Variants in ALPK2 observed in about 807,000 individuals in gnomAD.
ALPK2 encodes the protein alpha kinase 2, also known as alpha-protein kinase 2.
Under a neutral mutation model 163.1 loss-of-function variants are expected in ALPK2, and 127 were observed. That is an observed-to-expected ratio of 0.78 (90% confidence interval 0.67 to 0.90). ALPK2 has a LOEUF of 0.90. ALPK2 is among the 40% of genes least tolerant of loss of function. ALPK2 has a pLI of 0.00. For missense variants in ALPK2, 2,360 were observed against 2,589.6 expected (o/e 0.91, Z 1.92); for synonymous variants, 953 against 959.1 (o/e 0.99, Z 0.12).
At position 58,481,744 on chromosome 18, in the gene ALPK2, T is replaced by G; in HGVS notation, c.*79A>C. 1.7e-6 allele frequency: 2 copies of G among 1,198,764 alleles called. No individual in the cohort carries two copies. Among genetic ancestry groups the G allele is most frequent in the East Asian group, 2.3e-5 (1 of 42,890 alleles). The allele number at this position is 1,198,764 out of a possible 1,614,324, so 74.3% of individuals were successfully genotyped here. A position where few individuals can be genotyped will look rare whatever the true frequency, so the allele number is the denominator to read the frequency against. On this transcript the variant is annotated 3_prime_UTR_variant, in exon 13 of 13. Transcript: ENST00000361673. ...CCACGCACTCTCTGCAGGCTGTATA[T>G]TCTCTCCTGTGTGGCCTCAGATTTT...
chr18:58,604,269 C>T (rs1319692374), intron 3 of ALPK2, among the ~76,000 whole-genome samples: 1 of 152,118 alleles, frequency 6.6e-6, no homozygotes, highest in Non-Finnish European at 1.5e-5. Flanking sequence ...CAGGGGTTGA[C>T]GGTATATAGC....
Position 58,536,264 on chromosome 18 carries a change from G to C in ALPK2, c.3923C>G (p.Ala1308Gly). 2 of 1,614,188 alleles carry C rather than the reference G, an allele frequency of 1.2e-6. No homozygotes were observed. The highest frequency in any genetic ancestry group is 1.7e-6 in the Non-Finnish European group (2 of 1,180,030). Reference protein sequence around the residue: ...HSPEDAESALADSRESHKGEE... With the variant: ...HSPEDAESALGDSRESHKGEE... ...GCCTTTATGGCTTTCTCTGCTATCA[G>C]CAAGGGCTGACTCAGCATCCTCTGG... Residue 1308 changes from alanine to glycine, a missense_variant, in exon 5 of 13, where the codon GCT becomes GGT. Transcript: ENST00000361673.
chr18:58,509,937 T>C (rs2144118702), intron 10 of ALPK2, among the ~76,000 whole-genome samples: 1 of 152,290 alleles, frequency 6.6e-6, no homozygotes, highest in African/African-American at 2.4e-5. Flanking sequence ...GCTTTTGGTG[T>C]TTTAGACATG....
At chr18:58,542,104 A>T (rs921071487) in intron 4 of ALPK2, among the ~76,000 whole-genome samples, 2 of 152,316 alleles carry the variant, frequency 1.3e-5, no homozygotes, top group East Asian at 3.9e-4. Flanking sequence ...GGGCTCTAGG[A>T]GTAAGCCCAA....
chr18:58,573,292 G>GTATATATGTGTGTA (rs1177192538), intron 4 of ALPK2, among the ~76,000 whole-genome samples: 1 of 83,432 alleles, frequency 1.2e-5, no homozygotes, highest in Non-Finnish European at 2.5e-5. Flanking sequence ...GTGTATATAT[G>GTATATATGTGTGTA]TATATATGTG....
intron 10 of ALPK2, among the ~76,000 whole-genome samples, chr18:58,505,859 C>T (rs2051459337): frequency 6.6e-6 from 1 of 151,934 alleles, no homozygotes; most frequent in African/African-American, 2.4e-5. Flanking sequence ...CAGCTCTGGG[C>T]ACAGTGGATC....
In ALPK2 at chr18:58,590,616, C is replaced by A. The variant is rs1012383088; in HGVS notation, c.228-10068G>T. Among the ~76,000 whole-genome samples the A allele has an allele frequency of 2.0e-5, 3 of 152,320 alleles. No homozygotes were observed. In the East Asian group the frequency reaches 5.8e-4, roughly 29 times the overall value. ...CTGCCTAACAACTGCTATCAATAATCATTTTTATAACTGAAGGAATAGGAA... is the reference window on the plus strand; with the variant it reads ...CTGCCTAACAACTGCTATCAATAATAATTTTTATAACTGAAGGAATAGGAA... On this transcript the variant is annotated intron_variant, in intron 3 of 12. Transcript: ENST00000361673.
Position 58,484,752 on chromosome 18 carries a change from T to TATAATAATA in ALPK2, c.6297-2722_6297-2714dup, listed in dbSNP as rs112129757. On this transcript the variant is annotated intron_variant, in intron 12 of 12. Transcript: ENST00000361673. ...AGCGAGACTTCGTCTCAAAAAATAA[T>TATAATAATA]ATAATAATAATAATAATAATGCCCA... Among the ~76,000 whole-genome samples, 331 of 149,772 alleles carry TATAATAATA rather than the reference T, an allele frequency of 2.2e-3. 1 individual carries two copies. Among genetic ancestry groups the TATAATAATA allele is most frequent in the African/African-American group, 6.5e-3 (267 of 40,886 alleles).
chr18:58,564,675 C>T (rs1308320389), intron 4 of ALPK2, among the ~76,000 whole-genome samples: 1 of 151,808 alleles, frequency 6.6e-6, no homozygotes, highest in African/African-American at 2.4e-5. Context: ...ATTCACAGGA[C>T]CTCACTGCCT....
chr18:58,489,511 C>A (rs1287714412), intron 12 of ALPK2, among the ~76,000 whole-genome samples: 1 of 148,852 alleles, frequency 6.7e-6, no homozygotes, highest in African/African-American at 2.5e-5. Flanking sequence ...CATAGTGAGA[C>A]CCCACCCCTA....
intron 2 of ALPK2, 131 bp downstream of exon 2, chr18:58,611,558 A>G (rs2052131405): frequency 1.1e-5 from 9 of 786,838 alleles, no homozygotes; most frequent in African/African-American, 8.7e-5. Context: ...GAGTTGCTTC[A>G]TTGATTACAC....
intron 10 of ALPK2, among the ~76,000 whole-genome samples, chr18:58,510,121 G>T (rs773462230): frequency 1.6e-4 from 25 of 152,142 alleles, no homozygotes; most frequent in Non-Finnish European, 2.9e-4. Context: ...AGTTTTCCCA[G>T]CACCATTTAT....
chr18:58,508,840 G>A (rs1310552794), intron 10 of ALPK2, among the ~76,000 whole-genome samples: 1 of 151,912 alleles, frequency 6.6e-6, no homozygotes, highest in East Asian at 1.9e-4. Context: ...TTGGGGTCTG[G>A]ATTGGGACCC....
At chr18:58,486,305 GCC>G (rs2051338527) in intron 12 of ALPK2, among the ~76,000 whole-genome samples, 1 of 152,188 alleles carries the variant, frequency 6.6e-6, no homozygotes, top group Admixed American at 6.5e-5. Context: ...CCCTTTCTCA[GCC>G]CTTAGCTACC....
intron 11 of ALPK2, among the ~76,000 whole-genome samples, chr18:58,501,453 T>G (rs1323018936): frequency 6.6e-6 from 1 of 152,230 alleles, no homozygotes; most frequent in African/African-American, 2.4e-5. Context: ...ATTTGCAGAT[T>G]GGCTTCATCT....
chr18:58,608,312 C>A (rs1410478347), intron 2 of ALPK2, among the ~76,000 whole-genome samples: 2 of 152,150 alleles, frequency 1.3e-5, no homozygotes, highest in Non-Finnish European at 2.9e-5. Context: ...AGAAATTGAC[C>A]TACACTTTCT....
chr18:58,529,874 A>G (rs921344659), intron 5 of ALPK2, among the ~76,000 whole-genome samples: 1 of 152,232 alleles, frequency 6.6e-6, no homozygotes, highest in Non-Finnish European at 1.5e-5. Context: ...TCACCTCAGT[A>G]TCAATATCAG....
At chr18:58,590,628 T>C (rs1381499473) in intron 3 of ALPK2, among the ~76,000 whole-genome samples, 1 of 152,218 alleles carries the variant, frequency 6.6e-6, no homozygotes, top group African/African-American at 2.4e-5. Context: ...TTTTTATAAC[T>C]GAAGGAATAG....
intron 4 of ALPK2, among the ~76,000 whole-genome samples, chr18:58,574,485 T>C (rs1336067074): frequency 7.1e-6 from 1 of 141,382 alleles, no homozygotes; most frequent in Non-Finnish European, 1.5e-5. Context: ...AGAACAGGGG[T>C]CCCCAACCCC....
Sources: allele counts gnomAD v4.1 joint callset (sites outside exome capture counted in the v4.1 genomes callset), GRCh38; gene constraint gnomAD v4.1.1; transcripts MANE v1.5; gene names NCBI Gene and HGNC (gene_info 2026-07-23, HGNC 2026-07-21).